SPOCK3: variants seen among roughly 807,000 people sequenced by gnomAD.
The protein encoded by SPOCK3 is SPARC (osteonectin), cwcv and kazal like domains proteoglycan 3.
SPOCK3 carries 30 observed loss-of-function variants against 56.6 expected under a neutral mutation model. That is an observed-to-expected ratio of 0.53 (90% CI 0.40 to 0.72). The LOEUF is 0.72. SPOCK3 is among the 30% of genes least tolerant of loss of function. The probability of loss-of-function intolerance (pLI) is 0.00; values close to 1 mark genes in which losing one functional copy is unlikely to be tolerated. For synonymous variants in SPOCK3, 196 were observed against 183.3 expected, an observed-to-expected ratio of 1.07 and a Z score of -0.56; for missense variants, 527 against 530.0, an observed-to-expected ratio of 0.99 and a Z score of 0.06.
intron 6 of SPOCK3, among the ~76,000 whole-genome samples, chr4:166,888,066 A>G (rs1734388817): frequency 6.6e-6 from 1 of 152,048 alleles, no homozygotes. Flanking sequence ...TTCATCTTAA[A>G]TATTTCTTAA....
At chr4:167,116,632 C>CACGTATATAG (rs1315989649) in intron 2 of SPOCK3, among the ~76,000 whole-genome samples, 2 of 122,394 alleles carry the variant, frequency 1.6e-5, no homozygotes, top group African/African-American at 6.3e-5. Flanking sequence ...TACATATATA[C>CACGTATATAG]TATATACGTA....
At chr4:167,218,564 C>T (rs910718774) in intron 2 of SPOCK3, among the ~76,000 whole-genome samples, 3 of 152,114 alleles carry the variant, frequency 2.0e-5, no homozygotes, top group Admixed American at 1.3e-4. Flanking sequence ...ACTGCCTATG[C>T]TTCTCAAACT....
intron 2 of SPOCK3, among the ~76,000 whole-genome samples, chr4:167,119,178 A>T (rs941935581): frequency 4.9e-4 from 74 of 152,220 alleles, no homozygotes; most frequent in Admixed American, 4.4e-3. Flanking sequence ...CACTATGGAG[A>T]ATAACAAAAA....
chr4:167,005,912 T>C (rs1454403931), intron 3 of SPOCK3, among the ~76,000 whole-genome samples: 2 of 152,186 alleles, frequency 1.3e-5, no homozygotes, highest in Non-Finnish European at 2.9e-5. Context: ...CAGGGTGGTA[T>C]GCTGCAGAAT....
In SPOCK3 at chr4:167,229,637, T is replaced by A. The variant is rs182101751; in HGVS notation, c.189+4348A>T. ...AGGCAAATAAAAAGAAAAAACAAAT[T>A]AAGAATGTTCTGCTTACTATTCAAC... is the stretch of plus-strand genomic sequence containing the variant. On this transcript the variant is annotated intron_variant, in intron 2 of 10. Coordinates refer to ENST00000357545, the MANE Select transcript of SPOCK3 (RefSeq NM_001040159.2). 5.9e-3 allele frequency among the ~76,000 whole-genome samples: 901 copies of A among 152,108 alleles called. 8 individuals carry two copies. Among genetic ancestry groups the A allele is most frequent in the Non-Finnish European group, 8.3e-3 (563 of 67,942 alleles).
chr4:167,027,898 T>C (rs1485728872), intron 3 of SPOCK3, among the ~76,000 whole-genome samples: 1 of 152,020 alleles, frequency 6.6e-6, no homozygotes, highest in East Asian at 1.9e-4. Context: ...TCAACCCATG[T>C]TGTTCAAGAA....
rs142558599 is a variant in SPOCK3 at position 166,733,442 on chromosome 4, A to G, written c.*1479T>C. 1.3e-5 allele frequency: 2 copies of G among 151,970 alleles called. No homozygotes were observed. The highest frequency in any genetic ancestry group is 2.4e-5 in the African/African-American group (1 of 41,566). 9.4% of individuals were successfully genotyped at this position (151,970 alleles called of 1,614,324 possible). A position where few individuals can be genotyped will look rare whatever the true frequency, so the allele number is the denominator to read the frequency against. ...ACATAAACAGTAAAAAAGAAAATGC[A>G]TTATACTTTATTACGTAAAGTCAAC... On this transcript the variant is annotated 3_prime_UTR_variant, in exon 11 of 11. Transcript: ENST00000357545.
At chr4:167,224,421 T>C (rs1226266305) in intron 2 of SPOCK3, among the ~76,000 whole-genome samples, 1 of 152,070 alleles carries the variant, frequency 6.6e-6, no homozygotes, top group African/African-American at 2.4e-5. Flanking sequence ...AATCTGAAAA[T>C]AGAAACATTA....
intron 6 of SPOCK3, among the ~76,000 whole-genome samples, chr4:166,835,046 C>T (rs1242226391): frequency 3.3e-5 from 5 of 151,688 alleles, no homozygotes; most frequent in South Asian, 4.2e-4. Flanking sequence ...AAGTATAAAC[C>T]GATTACCAAT....
At chr4:167,112,862 A>G (rs1430260413) in intron 2 of SPOCK3, among the ~76,000 whole-genome samples, 2 of 151,582 alleles carry the variant, frequency 1.3e-5, no homozygotes, top group East Asian at 3.9e-4. Context: ...AAAAAAAATC[A>G]TATATATTAG....
intron 2 of SPOCK3, among the ~76,000 whole-genome samples, chr4:167,069,334 A>G (rs10021383): frequency 0.054 from 8,228 of 151,960 alleles, 322 homozygotes; most frequent in African/African-American, 0.11. Context: ...ATGACATCCA[A>G]AATCAATTGC....
At chr4:166,776,362 G>A (rs935407998) in intron 7 of SPOCK3, among the ~76,000 whole-genome samples, 4 of 152,068 alleles carry the variant, frequency 2.6e-5, no homozygotes, top group Non-Finnish European at 4.4e-5. Context: ...GCAGTGAGCC[G>A]AGATTGCACC....
chr4:166,751,324 AT>A (rs2126472375), intron 8 of SPOCK3, among the ~76,000 whole-genome samples: 2 of 152,288 alleles, frequency 1.3e-5, no homozygotes, highest in South Asian at 4.1e-4. Context: ...AATGTCATTA[AT>A]TTTCATTTCA....
intron 6 of SPOCK3, among the ~76,000 whole-genome samples, chr4:166,799,370 A>G (rs1445200855): frequency 6.6e-6 from 1 of 152,142 alleles, no homozygotes; most frequent in Non-Finnish European, 1.5e-5. Flanking sequence ...CACCTTTTTC[A>G]TCCAACCAAT....
chr4:167,166,640 G>A (rs937338701), intron 2 of SPOCK3, among the ~76,000 whole-genome samples: 3 of 152,072 alleles, frequency 2.0e-5, no homozygotes, highest in Admixed American at 6.6e-5. Context: ...CTGTCAGACA[G>A]CTAATATTTA....
chr4:167,059,507 T>G (rs1171357944), intron 3 of SPOCK3, among the ~76,000 whole-genome samples: 44 of 151,980 alleles, frequency 2.9e-4, no homozygotes, highest in Non-Finnish European at 1.2e-4. Flanking sequence ...AAACAACAGG[T>G]GCTGGAGAGG....
At chr4:167,062,058 C>A (rs1441520118) in intron 3 of SPOCK3, among the ~76,000 whole-genome samples, 5 of 151,734 alleles carry the variant, frequency 3.3e-5, no homozygotes, top group East Asian at 1.9e-4. Flanking sequence ...CTTGTTAAGA[C>A]CCCAGCTGAG....
chr4:167,046,843 A>G (rs755069512), intron 3 of SPOCK3, among the ~76,000 whole-genome samples: 2 of 152,194 alleles, frequency 1.3e-5, no homozygotes, highest in African/African-American at 4.8e-5. Context: ...TAGTGTTAAG[A>G]GGAAGGCTGA....
At chr4:166,778,791 G>A (rs7698457) in intron 7 of SPOCK3, among the ~76,000 whole-genome samples, 39,731 of 151,558 alleles carry the variant, frequency 0.26, 5,559 homozygotes, top group East Asian at 0.55. Context: ...TGTAGTCTGC[G>A]TGTTGAGGAA....
Sources: gnomAD v4.1 joint callset for allele counts (sites outside exome capture counted in the v4.1 genomes callset) on GRCh38, gnomAD v4.1.1 for gene constraint, MANE v1.5 for transcripts, NCBI Gene and HGNC (gene_info 2026-07-23, HGNC 2026-07-21) for gene names.